INTS8: variants seen among roughly 807,000 people sequenced by gnomAD.
INTS8 encodes protein kaonashi-1.
Under a neutral mutation model 138.9 loss-of-function variants are expected in INTS8, and 47 were observed. The ratio of observed to expected loss-of-function variants is 0.34; its 90% CI spans 0.27 to 0.43. The LOEUF is 0.43. INTS8 is among the 20% of genes least tolerant of loss of function. The probability of loss-of-function intolerance (pLI) is 1.00; values close to 1 mark genes in which losing one functional copy is unlikely to be tolerated. For missense variants in INTS8, 996 were observed against 1,173.0 expected (o/e 0.85, Z 2.20); for synonymous variants, 392 against 400.9 (o/e 0.98, Z 0.27).
intron 26 of INTS8, 73 bp downstream of exon 26, chr8:94,876,562 C>A: frequency 1.1e-6 from 1 of 923,666 alleles, no homozygotes; most frequent in Non-Finnish European, 1.6e-6. Flanking sequence ...TGTGAACCAA[C>A]AAAAAATAGA....
At chr8:94,853,955 C>A in intron 14 of INTS8, 40 bp downstream of exon 14, 1 of 1,247,992 alleles carries the variant, frequency 8.0e-7, no homozygotes, top group Non-Finnish European at 1.2e-6. Context: ...TAAGAATATG[C>A]TTTATGGTCA....
Position 94,849,528 on chromosome 8 carries a change from C to A in INTS8, c.1327C>A (p.Leu443Ile). 3 of 1,535,580 alleles carry A rather than the reference C, an allele frequency of 2.0e-6. No individual in the cohort carries two copies. Among genetic ancestry groups the A allele is most frequent in the Non-Finnish European group, 2.7e-6 (3 of 1,125,332 alleles). ...ESLKGNMAAF[L>I]KNVCLGLEDL... ...TTTGAAAGGAAACATGGCTGCTTTT[C>A]TAAAGTAAGTACCTTTCTTTTCTTT... The change falls in exon 11 of 27, where the codon CTA becomes ATA. Residue 443 changes from leucine (L) to isoleucine (I), a missense_variant. Leu to Ile is a conservative substitution (Grantham distance 5, BLOSUM62 2). Coordinates refer to ENST00000523731, the MANE Select transcript of INTS8 (RefSeq NM_017864.4).
At chr8:94,834,959 T>A (rs1314532592) in intron 6 of INTS8, among the ~76,000 whole-genome samples, 1 of 152,192 alleles carries the variant, frequency 6.6e-6, no homozygotes, top group Non-Finnish European at 1.5e-5. Flanking sequence ...GAATGAAGCA[T>A]ATTTCTAGTA....
At chr8:94,836,411 G>A in intron 6 of INTS8, 113 bp from the exon 7 acceptor site, 4 of 782,198 alleles carry the variant, frequency 5.1e-6, no homozygotes, top group Non-Finnish European at 8.3e-6. Flanking sequence ...TGGAATATGT[G>A]TTTTTTTATG....
intron 6 of INTS8, among the ~76,000 whole-genome samples, chr8:94,833,987 G>A (rs1018629899): frequency 1.3e-5 from 2 of 151,752 alleles, no homozygotes; most frequent in African/African-American, 2.4e-5. Flanking sequence ...GATCAGGCTG[G>A]TCTCAAACTC....
At position 94,881,427 on chromosome 8, in the gene INTS8, C is replaced by T. The variant is rs1473220021; in HGVS notation, c.*1193C>T. On this transcript the variant is annotated 3_prime_UTR_variant, in exon 27 of 27. Coordinates refer to ENST00000523731, the MANE Select transcript of INTS8 (RefSeq NM_017864.4). ...AAGACATCTTTGTAAACAAGTCCTG[C>T]TGTTTCTTTAACAGCTAACATAGGA... 1.8e-6 allele frequency: 1 copy of T among 549,684 alleles called. No individual in the cohort carries two copies. The highest frequency in any genetic ancestry group is 3.0e-5 in the East Asian group (1 of 33,130). 34.1% of individuals were successfully genotyped at this position (549,684 alleles called of 1,614,324 possible).
intron 16 of INTS8, among the ~76,000 whole-genome samples, chr8:94,861,108 G>A (rs927457313): frequency 6.7e-6 from 1 of 149,522 alleles, no homozygotes; most frequent in Admixed American, 6.7e-5. Context: ...GGGAACTTTT[G>A]TAAAACTGTG....
rs764991956 is a variant in INTS8, at chr8:94,871,937, G to A, written c.2468G>A (p.Arg823Gln). Reference sequence around the variant, plus strand: ...GCAATCACAGTGAAAGAGCTAGTTCGATATACACTCAGTATAAATCCAAAT... The same window carrying A: ...GCAATCACAGTGAAAGAGCTAGTTCAATATACACTCAGTATAAATCCAAAT... ...AVAITVKELV[R>Q]YTLSINPNNH... The change falls in exon 21 of 27, where the codon CGA (arginine) becomes CAA (glutamine). Residue 823 changes from arginine (R) to glutamine (Q), a missense_variant. Transcript: ENST00000523731. 1.4e-5 allele frequency: 22 copies of A among 1,610,060 alleles called. No individual in the cohort carries two copies. In the East Asian group the frequency reaches 2.9e-4, roughly 21 times the overall value.
At chr8:94,860,658 C>G (rs1815927897) in intron 16 of INTS8, among the ~76,000 whole-genome samples, 1 of 151,248 alleles carries the variant, frequency 6.6e-6, no homozygotes, top group Non-Finnish European at 1.5e-5. Flanking sequence ...TCCCTGTCTC[C>G]TTTTTGGGTA....
At position 94,874,536 on chromosome 8, in the gene INTS8, A is replaced by C; in HGVS notation, c.2638-16A>C. 6.8e-7 allele frequency: 1 copy of C among 1,470,838 alleles called. No homozygotes were observed. Among genetic ancestry groups the C allele is most frequent in the Non-Finnish European group, 9.5e-7 (1 of 1,051,828 alleles). The allele number at this position is 1,470,838 out of a possible 1,614,324, so 91.1% of individuals were successfully genotyped here. ...TTAGCTGGTTTTTGAAAATAATGAG[A>C]ATTTTGCTTTTGTAGGTAATAAAAC... On this transcript the variant is annotated splice_polypyrimidine_tract_variant and intron_variant, in intron 22 of 26. Transcript: ENST00000523731.
At position 94,838,423 on chromosome 8, in the gene INTS8, T is replaced by G. The variant is rs917637327; in HGVS notation, c.862-40T>G. The G allele has an allele frequency of 5.9e-6, 9 of 1,513,704 alleles. No individual in the cohort carries two copies. In the African/African-American group the frequency reaches 1.2e-4, roughly 21 times the overall value. The allele number at this position is 1,513,704 out of a possible 1,614,324, so 93.8% of individuals were successfully genotyped here. A position where few individuals can be genotyped will look rare whatever the true frequency, so the allele number is the denominator to read the frequency against. On this transcript the variant is annotated intron_variant, in intron 7 of 26. Coordinates refer to ENST00000523731, the MANE Select transcript of INTS8 (RefSeq NM_017864.4). ...AGGGGGTGCTAGACTATTGTTTATA[T>G]TACATGAATGGATAATGGTGTATAC...
chr8:94,838,948 G>A (rs1395355409), intron 8 of INTS8, among the ~76,000 whole-genome samples: 5 of 152,204 alleles, frequency 3.3e-5, no homozygotes, highest in African/African-American at 9.7e-5. Flanking sequence ...AAAAATTGCA[G>A]GTAGACAGCT....
chr8:94,854,319 G>A (rs1057454460), intron 14 of INTS8, among the ~76,000 whole-genome samples: 2 of 152,164 alleles, frequency 1.3e-5, no homozygotes, highest in East Asian at 3.9e-4. Flanking sequence ...ACAGTCATAG[G>A]CCTAAAAGGA....
chr8:94,861,165 A>G (rs1292283938), intron 16 of INTS8, among the ~76,000 whole-genome samples: 1 of 146,008 alleles, frequency 6.8e-6, no homozygotes. Context: ...TCCTTCACGT[A>G]TGTCCTTTTA....
chr8:94,834,040 G>A (rs1395772335), intron 6 of INTS8, among the ~76,000 whole-genome samples: 2 of 152,124 alleles, frequency 1.3e-5, no homozygotes, highest in African/African-American at 2.4e-5. Flanking sequence ...CCAAAGTGCT[G>A]GGATTACCGG....
At chr8:94,874,360 A>C (rs1175267809) in intron 22 of INTS8, among the ~76,000 whole-genome samples, 192 bp from the exon 23 acceptor site, 3 of 152,038 alleles carry the variant, frequency 2.0e-5, no homozygotes, top group African/African-American at 4.8e-5. Flanking sequence ...TTGAACATTT[A>C]TTAGATTTTT....
chr8:94,826,902 G>A (rs1432861285), intron 2 of INTS8, among the ~76,000 whole-genome samples: 1 of 152,102 alleles, frequency 6.6e-6, no homozygotes, highest in African/African-American at 2.4e-5. Flanking sequence ...TCAGGAGATG[G>A]AGACCATCCT....
chr8:94,859,918 C>T (rs1815890915), intron 16 of INTS8: 4 of 303,192 alleles, frequency 1.3e-5, no homozygotes, highest in Non-Finnish European at 2.5e-5. Flanking sequence ...GCTTTCTTTG[C>T]TTTGGTTGCT....
chr8:94,836,821 T>C (rs1481252575), intron 7 of INTS8, among the ~76,000 whole-genome samples, 190 bp downstream of exon 7: 1 of 151,512 alleles, frequency 6.6e-6, no homozygotes. Context: ...TTTATAAATC[T>C]AGTAAATTTT....
Sources: allele counts gnomAD v4.1 joint callset (sites outside exome capture counted in the v4.1 genomes callset), GRCh38; gene constraint gnomAD v4.1.1; transcripts MANE v1.5; gene names NCBI Gene and HGNC (gene_info 2026-07-23, HGNC 2026-07-21).